The following LEKR1 variants were observed in gnomAD, a reference collection of about 807,000 sequenced individuals.
LEKR1 encodes the protein leucine, glutamate and lysine rich 1.
In LEKR1, 59 loss-of-function variants were observed where a neutral mutation model predicts 72.4. That is an observed-to-expected ratio of 0.82 (90% confidence interval 0.66 to 1.01). LEKR1 has a LOEUF of 1.01. Among genes scored for constraint, LEKR1 ranks in the 50% least tolerant of loss-of-function variants. LEKR1 has a pLI of 0.00. For synonymous variants in LEKR1, 257 were observed against 263.2 expected, an observed-to-expected ratio of 0.98 and a Z score of 0.23; for missense variants, 728 against 759.2, an observed-to-expected ratio of 0.96 and a Z score of 0.48.
At chr3:156,899,680 GCATATATACA>G (rs1473008924) in intron 3 of LEKR1, among the ~76,000 whole-genome samples, 1 of 123,304 alleles carries the variant, frequency 8.1e-6, no homozygotes, top group Non-Finnish European at 1.7e-5. Flanking sequence ...ATATATACAC[GCATATATACA>G]CATATATACA....
chr3:156,833,017 G>A (rs1195765487), intron 2 of LEKR1, among the ~76,000 whole-genome samples: 1 of 152,182 alleles, frequency 6.6e-6, no homozygotes, highest in Admixed American at 6.5e-5. Context: ...ATCACGTAGA[G>A]AGAAAGAAAT....
chr3:156,857,992 A>AG (rs1716279919), intron 3 of LEKR1, among the ~76,000 whole-genome samples: 1 of 152,150 alleles, frequency 6.6e-6, no homozygotes. Context: ...TGTATTTTGT[A>AG]GGGGGAGGGT....
chr3:156,866,275 T>C (rs1444134989), intron 3 of LEKR1, among the ~76,000 whole-genome samples: 2 of 152,016 alleles, frequency 1.3e-5, no homozygotes, highest in African/African-American at 2.4e-5. Flanking sequence ...AAGGATGACT[T>C]TCTGTGAAGG....
intron 3 of LEKR1, among the ~76,000 whole-genome samples, chr3:156,879,231 G>A (rs1718987246): frequency 6.6e-6 from 1 of 152,152 alleles, no homozygotes; most frequent in Non-Finnish European, 1.5e-5. Flanking sequence ...ATAATGATAT[G>A]GACAATGAAA....
At chr3:156,848,440 A>T (rs777376386) in intron 2 of LEKR1, among the ~76,000 whole-genome samples, 2 of 152,180 alleles carry the variant, frequency 1.3e-5, no homozygotes, top group Non-Finnish European at 2.9e-5. Flanking sequence ...CCCTTGGGCC[A>T]ATTTTATGTT....
intron 6 of LEKR1, among the ~76,000 whole-genome samples, chr3:156,953,002 A>G (rs956436916): frequency 4.6e-5 from 7 of 151,518 alleles, no homozygotes; most frequent in South Asian, 4.1e-4. Context: ...TATAATTTGT[A>G]TACAAAATAT....
chr3:157,018,659 A>G (rs1733575116), intron 10 of LEKR1, among the ~76,000 whole-genome samples: 1 of 152,218 alleles, frequency 6.6e-6, no homozygotes, highest in African/African-American at 2.4e-5. Flanking sequence ...TATAGAGTTC[A>G]CCGGCAACAC....
At chr3:156,948,477 ATT>A (rs1726873247) in intron 6 of LEKR1, among the ~76,000 whole-genome samples, 1 of 150,978 alleles carries the variant, frequency 6.6e-6, no homozygotes, top group Admixed American at 6.6e-5. Flanking sequence ...CTGTTATTTT[ATT>A]TTCTTGTCTC....
intron 10 of LEKR1, among the ~76,000 whole-genome samples, chr3:157,015,460 C>G (rs575474689): frequency 2.0e-5 from 3 of 152,154 alleles, no homozygotes; most frequent in Admixed American, 6.5e-5. Flanking sequence ...GTAGAGTGCT[C>G]AAAAGGGTCT....
At chr3:156,852,033 C>G (rs1248338828) in intron 2 of LEKR1, 2 of 152,128 alleles carry the variant, frequency 1.3e-5, no homozygotes, top group Non-Finnish European at 2.9e-5. Flanking sequence ...GAGGATCTAT[C>G]CAATATACAT....
rs114282849 is a variant in LEKR1, at chr3:156,990,254, G to C, written c.828-2399G>C. 5.6e-3 allele frequency among the ~76,000 whole-genome samples: 847 copies of C among 152,096 alleles called. 3 individuals carry two copies. The highest frequency in any genetic ancestry group is 0.019 in the African/African-American group (798 of 41,490). On this transcript the variant is annotated intron_variant, in intron 7 of 12. Transcript: ENST00000356539. ...TATTCTTAGCCAGAAAACCACATAG[G>C]GGGTGATGTGTCCTCAGGGCATCAC... is the stretch of plus-strand genomic sequence containing the variant.
At chr3:157,016,873 T>C (rs1733386191) in intron 10 of LEKR1, among the ~76,000 whole-genome samples, 1 of 152,086 alleles carries the variant, frequency 6.6e-6, no homozygotes, top group Non-Finnish European at 1.5e-5. Context: ...TAAAGACATA[T>C]TCTCCAAACC....
At chr3:157,039,713 A>C (rs1394373556) in intron 12 of LEKR1, among the ~76,000 whole-genome samples, 1 of 152,236 alleles carries the variant, frequency 6.6e-6, no homozygotes, top group East Asian at 1.9e-4. Flanking sequence ...GGTATTTGCA[A>C]GCACAAATAG....
At chr3:156,902,238 A>G (rs1452380109) in intron 3 of LEKR1, among the ~76,000 whole-genome samples, 1 of 152,148 alleles carries the variant, frequency 6.6e-6, no homozygotes, top group African/African-American at 2.4e-5. Context: ...TTCACTGTGC[A>G]CATTATGGAA....
rs186348218 is a variant in LEKR1 at position 157,009,789 on chromosome 3, C to T, written c.1110-1624C>T. 4.4e-3 allele frequency among the ~76,000 whole-genome samples: 662 copies of T among 152,136 alleles called. 2 individuals are homozygous for T. The highest frequency in any genetic ancestry group is 0.015 in the African/African-American group (637 of 41,550). ...GTGGATTTAAGAATTTCTTTGTACA[C>T]TTATATCAAGTTTTGCTTTATATAT... On this transcript the variant is annotated intron_variant, in intron 9 of 12. Coordinates refer to ENST00000356539, the MANE Select transcript of LEKR1 (RefSeq NM_001004316.3).
At chr3:156,969,399 A>G (rs1728943396) in intron 6 of LEKR1, among the ~76,000 whole-genome samples, 1 of 152,226 alleles carries the variant, frequency 6.6e-6, no homozygotes. Flanking sequence ...AAGAAAAGAG[A>G]CAAGAATCAA....
At chr3:156,847,072 C>T (rs1430694696) in intron 2 of LEKR1, among the ~76,000 whole-genome samples, 5 of 152,050 alleles carry the variant, frequency 3.3e-5, no homozygotes, top group African/African-American at 7.3e-5. Flanking sequence ...CCTCCCAAAG[C>T]GCTGGGATCA....
chr3:156,952,300 T>C (rs924106704), intron 6 of LEKR1, among the ~76,000 whole-genome samples: 1 of 151,378 alleles, frequency 6.6e-6, no homozygotes, highest in Non-Finnish European at 1.5e-5. Context: ...ATCGAAACCA[T>C]GTGAGAGTAG....
chr3:156,974,346 G>T (rs754690967), intron 6 of LEKR1, among the ~76,000 whole-genome samples: 1 of 152,126 alleles, frequency 6.6e-6, no homozygotes, highest in Non-Finnish European at 1.5e-5. Context: ...TTTTTCACAT[G>T]TTAAGATGCA....
Sources: allele counts gnomAD v4.1 joint callset (sites outside exome capture counted in the v4.1 genomes callset), GRCh38; gene constraint gnomAD v4.1.1; transcripts MANE v1.5; gene names NCBI Gene and HGNC (gene_info 2026-07-23, HGNC 2026-07-21).